The following DMBT1 variants were observed in gnomAD, a reference collection of about 807,000 sequenced individuals.
DMBT1 encodes deleted in malignant brain tumors 1, also known as scavenger receptor cysteine-rich domain-containing protein DMBT1.
A neutral mutation model predicts 252.9 loss-of-function variants in DMBT1; 198 were observed. The observed-to-expected ratio is 0.78, with a 90% CI of 0.70 to 0.88. The LOEUF (loss-of-function observed/expected upper bound fraction) is 0.88. Among genes scored for constraint, DMBT1 ranks in the 40% least tolerant of loss-of-function variants. The pLI, the probability that DMBT1 is intolerant of heterozygous loss-of-function variation, is 0.00. For missense variants in DMBT1, 2,432 were observed against 2,404.7 expected, an observed-to-expected ratio of 1.01 and a Z score of -0.24; for synonymous variants, 990 against 942.7, an observed-to-expected ratio of 1.05 and a Z score of -0.92.
intron 1 of DMBT1, among the ~76,000 whole-genome samples, chr10:122,563,067 C>T (rs1054317406): frequency 1.3e-5 from 2 of 152,212 alleles, no homozygotes; most frequent in African/African-American, 4.8e-5. Context: ...GGAGCCTGAC[C>T]ACAGAGCTTT....
chr10:122,580,430 C>T (rs1046899997), intron 10 of DMBT1, among the ~76,000 whole-genome samples: 2 of 152,196 alleles, frequency 1.3e-5, no homozygotes, highest in African/African-American at 2.4e-5. Flanking sequence ...CTTCTCAGAA[C>T]GCTGCTGAGC....
intron 16 of DMBT1, 49 bp downstream of exon 16, chr10:122,586,432 A>C: frequency 6.3e-7 from 1 of 1,580,850 alleles, no homozygotes; most frequent in South Asian, 1.2e-5. Context: ...GATTTTGCTC[A>C]GGAAGGTTTT....
intron 7 of DMBT1, among the ~76,000 whole-genome samples, chr10:122,576,944 C>T (rs966207227): frequency 7.2e-5 from 11 of 152,300 alleles, no homozygotes; most frequent in African/African-American, 2.2e-4. Flanking sequence ...CACTCCAGGG[C>T]CCCCGCCCAA....
chr10:122,638,411 A>G (rs1354946892), intron 54 of DMBT1, among the ~76,000 whole-genome samples: 2 of 152,138 alleles, frequency 1.3e-5, no homozygotes, highest in African/African-American at 2.4e-5. Context: ...CCACATTCTT[A>G]TTCCTCCACT....
intron 15 of DMBT1, 71 bp downstream of exon 15, chr10:122,585,380 T>C (rs2097780907): frequency 1.3e-6 from 2 of 1,529,808 alleles, no homozygotes; most frequent in African/African-American, 1.4e-5. Context: ...TCTGAAATGA[T>C]AGGATGAGGG....
intron 52 of DMBT1, among the ~76,000 whole-genome samples, chr10:122,633,935 A>T (rs2098187986): frequency 6.6e-6 from 1 of 152,140 alleles, no homozygotes; most frequent in African/African-American, 2.4e-5. Context: ...GGAGTTCAAG[A>T]CCAGCCTGAG....
Position 122,579,859 on chromosome 10 carries a change from C to A in DMBT1, c.961C>A (p.His321Asn), listed in dbSNP as rs145382439. Residue 321 changes from histidine (H) to asparagine (N), a missense_variant, in exon 10 of 56, where the codon CAC (histidine) becomes AAC (asparagine). This residue lies in a region of DMBT1 where 1,264 missense variants were observed against 1,082.2 expected (regional missense o/e 1.17). Transcript: ENST00000338354. ...CTGCCCCCACAATGGCTGGCTCACC[C>A]ACAACTGTGGCCATAGTGAAGACGC... ...WSCPHNGWLT[H>N]NCGHSEDAGV... 1.5e-3 allele frequency: 2,467 copies of A among 1,613,812 alleles called. 26 individuals carry two copies. In the African/African-American group the frequency reaches 0.029, roughly 19 times the overall value.
At chr10:122,564,532 C>T (rs997486931) in intron 1 of DMBT1, among the ~76,000 whole-genome samples, 1 of 151,896 alleles carries the variant, frequency 6.6e-6, no homozygotes, top group Non-Finnish European at 1.5e-5. Context: ...AGAAAGTATG[C>T]TGGAATTGTT....
At chr10:122,577,790 G>T (rs1437529085) in intron 7 of DMBT1, 21 bp from the exon 8 acceptor site, 3 of 1,613,630 alleles carry the variant, frequency 1.9e-6, no homozygotes, top group Non-Finnish European at 2.5e-6. Flanking sequence ...GGTGTCTAAT[G>T]TTGCTATTTT....
intron 5 of DMBT1, 34 bp from the exon 6 acceptor site, chr10:122,573,681 C>T (rs751229971): frequency 3.0e-5 from 48 of 1,612,946 alleles, no homozygotes; most frequent in African/African-American, 1.3e-4. Flanking sequence ...GCGAGGGCTA[C>T]GATCAATGAG....
intron 27 of DMBT1, 103 bp downstream of exon 27, chr10:122,600,196 G>C: frequency 6.8e-7 from 1 of 1,460,438 alleles, no homozygotes. Context: ...GGATACTGTG[G>C]GGCATATTAT....
At chr10:122,578,646 A>T in intron 8 of DMBT1, 72 bp from the exon 9 acceptor site, 1 of 1,354,530 alleles carries the variant, frequency 7.4e-7, no homozygotes, top group Non-Finnish European at 1.0e-6. Flanking sequence ...TGCCTGGTCC[A>T]GAGAACCGCT....
At chr10:122,623,320 G>A (rs2098087950) in intron 44 of DMBT1, among the ~76,000 whole-genome samples, 2 of 152,204 alleles carry the variant, frequency 1.3e-5, no homozygotes, top group South Asian at 4.1e-4. Context: ...TGGACATATG[G>A]GTTGCTTCCA....
At chr10:122,638,616 A>AT (rs959848585) in intron 54 of DMBT1, among the ~76,000 whole-genome samples, 41 of 151,594 alleles carry the variant, frequency 2.7e-4, no homozygotes, top group African/African-American at 3.4e-4. Flanking sequence ...TAATTAACAA[A>AT]TTTTTTTTTG....
chr10:122,598,085 G>A, intron 25 of DMBT1, 73 bp downstream of exon 25: 1 of 1,605,814 alleles, frequency 6.2e-7, no homozygotes, highest in Non-Finnish European at 8.5e-7. Context: ...GAAAATGATA[G>A]GATGAGGGTC....
chr10:122,636,176 C>G lies in DMBT1; in HGVS notation c.6734C>G (p.Ser2245Cys), dbSNP rs765246518. ...AGAGGGTTCCGGGCTGAGTACTACT[C>G]CAGTCCCTCCAATGACAGCACCAGT... ...TRRGFRAEYY[S>C]SPSNDSTNLL... is the part of the protein sequence containing the mutation. Residue 2245 changes from serine to cysteine, a missense_variant, in exon 53 of 56, where the codon TCC (serine) becomes TGC (cysteine). Around this residue, in one of 3 missense-constraint regions of DMBT1, gnomAD observed 1,162 missense variants for 1,169.0 expected, o/e 0.99. Transcript: ENST00000338354. 6.1e-5 allele frequency: 98 copies of G among 1,613,640 alleles called. No homozygotes were observed. The highest frequency in any genetic ancestry group is 8.1e-5 in the Non-Finnish European group (95 of 1,179,772).
At chr10:122,631,385 T>G in intron 49 of DMBT1, 104 bp downstream of exon 49, 1 of 1,433,520 alleles carries the variant, frequency 7.0e-7, no homozygotes, top group Non-Finnish European at 9.5e-7. Flanking sequence ...CAGGAGCTGG[T>G]CATTGTGTCC....
intron 55 of DMBT1, among the ~76,000 whole-genome samples, chr10:122,642,494 C>G (rs1029628911): frequency 5.3e-5 from 8 of 152,224 alleles, no homozygotes; most frequent in African/African-American, 1.9e-4. Flanking sequence ...TATTTTCCCT[C>G]TGACCCCTGC....
intron 55 of DMBT1, among the ~76,000 whole-genome samples, chr10:122,641,351 C>A (rs1300648617): frequency 6.6e-6 from 1 of 152,200 alleles, no homozygotes; most frequent in African/African-American, 2.4e-5. Context: ...CAATATAGAC[C>A]TGGACACTTC....
Sources: allele counts gnomAD v4.1 joint callset (sites outside exome capture counted in the v4.1 genomes callset), GRCh38; gene constraint gnomAD v4.1.1; regional missense constraint gnomAD v4.1.1; transcripts MANE v1.5; gene names NCBI Gene and HGNC (gene_info 2026-07-23, HGNC 2026-07-21).